Variants in CADPS observed in about 807,000 individuals in gnomAD.
CADPS encodes calcium dependent secretion activator, also known as calcium-dependent secretion activator 1.
CADPS carries 57 observed loss-of-function variants against 167.3 expected under a neutral mutation model. The ratio of observed to expected loss-of-function variants is 0.34; its 90% CI spans 0.28 to 0.42. CADPS has a LOEUF of 0.42. Among genes scored for constraint, CADPS ranks in the 20% least tolerant of loss-of-function variants. The pLI, the probability that CADPS is intolerant of heterozygous loss-of-function variation, is 1.00. For missense variants in CADPS, 1,414 were observed against 1,738.1 expected (o/e 0.81, Z 3.32); for synonymous variants, 676 against 635.3 (o/e 1.06, Z -0.96).
intron 11 of CADPS, among the ~76,000 whole-genome samples, chr3:62,542,405 A>G (rs1338777698): frequency 6.6e-6 from 1 of 152,178 alleles, no homozygotes; most frequent in Admixed American, 6.6e-5. Context: ...CAATGACAGT[A>G]GTCAGCCTCA....
chr3:62,638,666 G>A (rs141746136), intron 6 of CADPS, among the ~76,000 whole-genome samples: 6 of 152,046 alleles, frequency 3.9e-5, no homozygotes, highest in Admixed American at 2.6e-4. Context: ...GAGTATCAAC[G>A]TCTAACTGAC....
At chr3:62,672,961 T>C (rs2075791505) in intron 3 of CADPS, among the ~76,000 whole-genome samples, 1 of 152,198 alleles carries the variant, frequency 6.6e-6, no homozygotes, top group South Asian at 2.1e-4. Flanking sequence ...ACCCAAAGCC[T>C]AGTATCAATA....
In CADPS at chr3:62,432,121, G is replaced by C. The variant is rs547348917; in HGVS notation, c.3777+5983C>G. On this transcript the variant is annotated intron_variant, in intron 28 of 29. Coordinates refer to ENST00000383710, the MANE Select transcript of CADPS (RefSeq NM_003716.4). ...GGCAATGCAGTGTAGTTTTGTTGAGGGGGTAGAGCTAGGCTATTTCAAAAT... is the reference window on the plus strand; with the variant it reads ...GGCAATGCAGTGTAGTTTTGTTGAGCGGGTAGAGCTAGGCTATTTCAAAAT... 1.2e-4 allele frequency among the ~76,000 whole-genome samples: 18 copies of C among 152,144 alleles called. 1 individual carries two copies. In the South Asian group the frequency reaches 3.1e-3, roughly 26 times the overall value.
At chr3:62,765,781 C>T (rs944953715) in intron 2 of CADPS, 90 bp downstream of exon 2, 40 of 738,940 alleles carry the variant, frequency 5.4e-5, no homozygotes, top group Middle Eastern at 2.7e-4. Context: ...TGTAGTAAAC[C>T]AAAACGACTG....
chr3:62,800,503 C>G (rs564713059), intron 1 of CADPS, among the ~76,000 whole-genome samples: 34 of 152,134 alleles, frequency 2.2e-4, no homozygotes, highest in Non-Finnish European at 3.8e-4. Flanking sequence ...ACTAAATTTA[C>G]TGGGAAGATA....
chr3:62,428,988 G>A (rs2053370586), intron 28 of CADPS, among the ~76,000 whole-genome samples: 1 of 152,200 alleles, frequency 6.6e-6, no homozygotes, highest in Non-Finnish European at 1.5e-5. Context: ...TGCTTTAGAA[G>A]TATTTTTGAA....
chr3:62,738,877 T>C (rs2152275857), intron 3 of CADPS, among the ~76,000 whole-genome samples: 1 of 152,334 alleles, frequency 6.6e-6, no homozygotes, highest in Non-Finnish European at 1.5e-5. Flanking sequence ...ATTGACTGTT[T>C]ACTAAAATAA....
At chr3:62,588,229 A>G (rs1008069813) in intron 7 of CADPS, among the ~76,000 whole-genome samples, 7 of 151,522 alleles carry the variant, frequency 4.6e-5, no homozygotes, top group African/African-American at 1.5e-4. Flanking sequence ...CCCAGGAAAG[A>G]ATCCCTGTCC....
chr3:62,874,489 C>T lies in CADPS; in HGVS notation c.441+100G>A. ...TCCCCAGGGCGCGGTCTCCACCTCT[C>T]CTGCTCCTCCTCGCCAGCTGCGCCG... On this transcript the variant is annotated intron_variant, in intron 1 of 29. Coordinates refer to ENST00000383710, the MANE Select transcript of CADPS (RefSeq NM_003716.4). The surrounding 1 kb of genome is among the most constrained non-coding windows in gnomAD (Gnocchi z 7.1). The T allele has an allele frequency of 1.1e-6, 1 of 937,218 alleles. No individual in the cohort carries two copies. The allele number at this position is 937,218 out of a possible 1,614,324, so 58.1% of individuals were successfully genotyped here. A position where few individuals can be genotyped will look rare whatever the true frequency, so the allele number is the denominator to read the frequency against.
At chr3:62,432,015 A>C (rs2054076320) in intron 28 of CADPS, among the ~76,000 whole-genome samples, 1 of 151,972 alleles carries the variant, frequency 6.6e-6, no homozygotes. Flanking sequence ...CTTAATAGTA[A>C]AGGGTATTAA....
intron 3 of CADPS, among the ~76,000 whole-genome samples, chr3:62,732,454 C>A (rs770504910): frequency 1.3e-5 from 2 of 152,144 alleles, no homozygotes; most frequent in Non-Finnish European, 2.9e-5. Flanking sequence ...CCAGCCAACA[C>A]CTTCGTTGCA....
At chr3:62,595,221 A>G (rs1286116341) in intron 6 of CADPS, among the ~76,000 whole-genome samples, 1 of 152,172 alleles carries the variant, frequency 6.6e-6, no homozygotes, top group Non-Finnish European at 1.5e-5. Context: ...CAACAGTCAT[A>G]GTAGAGACAG....
chr3:62,799,592 C>A (rs2093645267), intron 1 of CADPS, among the ~76,000 whole-genome samples: 1 of 152,144 alleles, frequency 6.6e-6, no homozygotes, highest in African/African-American at 2.4e-5. Context: ...AATCAACCTG[C>A]ACTCAAGTGT....
chr3:62,713,547 T>A (rs78164197), intron 3 of CADPS, among the ~76,000 whole-genome samples: 12,586 of 152,314 alleles, frequency 0.083, 629 homozygotes, highest in South Asian at 0.16. Context: ...TAGGTGTAAA[T>A]ATGACTGCAG....
chr3:62,705,928 T>C (rs545006662), intron 3 of CADPS, among the ~76,000 whole-genome samples: 2 of 152,314 alleles, frequency 1.3e-5, no homozygotes, highest in South Asian at 4.1e-4. Flanking sequence ...TATCACATCA[T>C]GTCATTTGCC....
intron 7 of CADPS, among the ~76,000 whole-genome samples, chr3:62,589,065 G>A (rs1450798992): frequency 5.4e-5 from 5 of 93,456 alleles, no homozygotes; most frequent in Admixed American, 1.3e-4. Context: ...TTCACAATGT[G>A]CATGAATTTT....
Position 62,536,463 on chromosome 3 carries a change from A to T in CADPS, c.2085T>A (p.Asn695Lys). Residue 695 changes from asparagine to lysine, a missense_variant, in exon 12 of 30, where the codon AAT becomes AAA. This residue lies in a region of CADPS where 529 missense variants were observed against 629.6 expected (regional missense o/e 0.84). Transcript: ENST00000383710. ...TACTTGCCAGGCAAGAATAGGAATC[A>T]TTAAGTCTGTGATCCAAAGTAAGGC... The part of the protein sequence containing the change: ...VQRLTLDHRL[N>K]DSYSCLGWFS... The T allele has an allele frequency of 6.2e-7, 1 of 1,613,398 alleles. No individual in the cohort carries two copies. Among genetic ancestry groups the T allele is most frequent in the Non-Finnish European group, 8.5e-7 (1 of 1,179,464 alleles).
intron 17 of CADPS, among the ~76,000 whole-genome samples, chr3:62,503,107 C>T (rs2151364576): frequency 6.6e-6 from 1 of 151,922 alleles, no homozygotes; most frequent in East Asian, 1.9e-4. Context: ...ATACCAGATG[C>T]TTTATCCAGA....
intron 6 of CADPS, among the ~76,000 whole-genome samples, chr3:62,627,824 A>G (rs1352074654): frequency 6.6e-6 from 1 of 152,076 alleles, no homozygotes; most frequent in Non-Finnish European, 1.5e-5. Flanking sequence ...TGCTTCCAAA[A>G]CCAATGGGAA....
Sources: gnomAD v4.1 joint callset for allele counts (sites outside exome capture counted in the v4.1 genomes callset) on GRCh38, gnomAD v4.1.1 for gene constraint, gnomAD v4.1.1 regional missense constraint, Gnocchi (gnomAD v3.1) non-coding constraint, MANE v1.5 for transcripts, NCBI Gene and HGNC (gene_info 2026-07-23, HGNC 2026-07-21) for gene names.